The following PARD3 variants were observed in gnomAD, a reference collection of about 807,000 sequenced individuals.
PARD3 encodes partitioning defective 3 homolog.
PARD3 carries 75 observed loss-of-function variants against 155.4 expected under a neutral mutation model. The observed-to-expected ratio is 0.48, with a 90% confidence interval of 0.40 to 0.58. The LOEUF (loss-of-function observed/expected upper bound fraction) is 0.58, where lower values mean the gene tolerates loss of function less well. PARD3 is among the 20% of genes least tolerant of loss of function. PARD3 has a pLI of 0.00. For synonymous variants in PARD3, 576 were observed against 610.5 expected (o/e 0.94, Z 0.83); for missense variants, 1,642 against 1,721.7 (o/e 0.95, Z 0.82).
At chr10:34,564,080 A>C (rs1285694449) in intron 2 of PARD3, among the ~76,000 whole-genome samples, 1 of 152,230 alleles carries the variant, frequency 6.6e-6, no homozygotes, top group Non-Finnish European at 1.5e-5. Context: ...CATACCTGCT[A>C]GCAGTTACTT....
intron 1 of PARD3, among the ~76,000 whole-genome samples, chr10:34,803,698 G>A (rs897340770): frequency 1.3e-5 from 2 of 152,174 alleles, no homozygotes; most frequent in East Asian, 3.9e-4. Flanking sequence ...AGCTACTTGG[G>A]AGGCTGAGGT....
chr10:34,656,720 T>C (rs1432621996), intron 2 of PARD3, among the ~76,000 whole-genome samples: 1 of 152,242 alleles, frequency 6.6e-6, no homozygotes, highest in East Asian at 1.9e-4. Context: ...TTTCCATTAA[T>C]TATGTACATG....
chr10:34,582,074 C>T (rs542333331), intron 2 of PARD3, among the ~76,000 whole-genome samples: 21 of 152,334 alleles, frequency 1.4e-4, no homozygotes, highest in African/African-American at 4.8e-4. Context: ...AACATAAAGA[C>T]TTGCTGAAGT....
chr10:34,425,102 A>C (rs1343303208), intron 5 of PARD3, among the ~76,000 whole-genome samples: 1 of 149,782 alleles, frequency 6.7e-6, no homozygotes, highest in Non-Finnish European at 1.5e-5. Context: ...TTTTTATTCC[A>C]CCTCCTATCT....
At chr10:34,324,244 TC>T (rs1191052253) in intron 19 of PARD3, among the ~76,000 whole-genome samples, 1 of 152,194 alleles carries the variant, frequency 6.6e-6, no homozygotes, top group African/African-American at 2.4e-5. Flanking sequence ...AATGCCTGCT[TC>T]CCAAAAGCGA....
chr10:34,387,800 T>C (rs934748725), intron 7 of PARD3, among the ~76,000 whole-genome samples: 3 of 96,424 alleles, frequency 3.1e-5, no homozygotes, highest in Non-Finnish European at 1.9e-5. Flanking sequence ...TTTAAACCTA[T>C]GTGTTTTTTT....
At chr10:34,763,270 T>C (rs1165235519) in intron 1 of PARD3, among the ~76,000 whole-genome samples, 1 of 152,228 alleles carries the variant, frequency 6.6e-6, no homozygotes, top group African/African-American at 2.4e-5. Flanking sequence ...CTTGAGCTCA[T>C]AAACACAAAG....
At chr10:34,782,101 T>A (rs999717494) in intron 1 of PARD3, among the ~76,000 whole-genome samples, 2 of 151,294 alleles carry the variant, frequency 1.3e-5, no homozygotes, top group Non-Finnish European at 2.9e-5. Flanking sequence ...ATTTTAACCA[T>A]CTGTAATTTT....
At chr10:34,141,506 T>G (rs1300206085) in intron 22 of PARD3, among the ~76,000 whole-genome samples, 1 of 152,180 alleles carries the variant, frequency 6.6e-6, no homozygotes, top group African/African-American at 2.4e-5. Flanking sequence ...ATAGCTCCAG[T>G]TCTCCAGATG....
chr10:34,351,860 A>G (rs1838123051), intron 14 of PARD3, among the ~76,000 whole-genome samples: 1 of 152,086 alleles, frequency 6.6e-6, no homozygotes, highest in Non-Finnish European at 1.5e-5. Context: ...CCTTGCAGCC[A>G]TTAAAGCAAA....
At chr10:34,793,437 A>G (rs1841897572) in intron 1 of PARD3, among the ~76,000 whole-genome samples, 1 of 152,214 alleles carries the variant, frequency 6.6e-6, no homozygotes, top group Admixed American at 6.5e-5. Context: ...AAAACCACAC[A>G]GAACCCATGG....
intron 1 of PARD3, among the ~76,000 whole-genome samples, chr10:34,751,486 G>A (rs1836023446): frequency 6.6e-6 from 1 of 152,164 alleles, no homozygotes; most frequent in South Asian, 2.1e-4. Flanking sequence ...TGACATTATA[G>A]TACTTTAATT....
chr10:34,635,346 C>A (rs953019428), intron 2 of PARD3, among the ~76,000 whole-genome samples: 1 of 152,182 alleles, frequency 6.6e-6, no homozygotes, highest in Non-Finnish European at 1.5e-5. Context: ...GCGAGAGATG[C>A]CAGGCATAAG....
chr10:34,150,054 T>C (rs764912545), intron 22 of PARD3, among the ~76,000 whole-genome samples: 16 of 152,200 alleles, frequency 1.1e-4, no homozygotes, highest in Non-Finnish European at 2.4e-4. Flanking sequence ...AATGACCAAT[T>C]TGTTAAGTAT....
intron 22 of PARD3, among the ~76,000 whole-genome samples, chr10:34,233,639 T>G (rs1031240842): frequency 2.0e-5 from 3 of 152,090 alleles, no homozygotes; most frequent in Non-Finnish European, 4.4e-5. Flanking sequence ...GCCCCAGATA[T>G]TTAGTTGTTC....
At chr10:34,483,587 G>T (rs2079243084) in intron 3 of PARD3, among the ~76,000 whole-genome samples, 1 of 152,052 alleles carries the variant, frequency 6.6e-6, no homozygotes, top group Non-Finnish European at 1.5e-5. Context: ...TGCTGAGTAG[G>T]AGATGTGCTA....
At position 34,241,984 on chromosome 10, in the gene PARD3, C is replaced by A. The variant is rs12250057; in HGVS notation, c.3419+27673G>T. On this transcript the variant is annotated intron_variant, in intron 22 of 24. Transcript: ENST00000374788. ...AAAAAAATCTCTTCTCATTTTAAGT[C>A]CAAGTAAGACCCTTAACTAGGTATC... is the stretch of plus-strand genomic sequence containing the variant. 2.3e-3 allele frequency among the ~76,000 whole-genome samples: 357 copies of A among 152,202 alleles called. 1 individual carries two copies. Among genetic ancestry groups the A allele is most frequent in the African/African-American group, 8.3e-3 (343 of 41,520 alleles).
At chr10:34,171,581 C>T (rs976157810) in intron 22 of PARD3, among the ~76,000 whole-genome samples, 1 of 152,086 alleles carries the variant, frequency 6.6e-6, no homozygotes, top group African/African-American at 2.4e-5. Context: ...GGTCCTCCTA[C>T]CCCTCCTGTC....
chr10:34,603,404 A>C (rs2089959061), intron 2 of PARD3, among the ~76,000 whole-genome samples: 1 of 152,230 alleles, frequency 6.6e-6, no homozygotes, highest in African/African-American at 2.4e-5. Context: ...CAATGACATT[A>C]TTAACTTGCC....
Sources: gnomAD v4.1 joint callset for allele counts (sites outside exome capture counted in the v4.1 genomes callset) on GRCh38, gnomAD v4.1.1 for gene constraint, MANE v1.5 for transcripts, NCBI Gene and HGNC (gene_info 2026-07-23, HGNC 2026-07-21) for gene names.